The following SULF2 variants were observed in gnomAD, a reference collection of about 807,000 sequenced individuals.
The protein encoded by SULF2 is extracellular sulfatase Sulf-2.
Under a neutral mutation model 107.7 loss-of-function variants are expected in SULF2, and 52 were observed. The ratio of observed to expected loss-of-function variants is 0.48; its 90% CI spans 0.39 to 0.61. The LOEUF (loss-of-function observed/expected upper bound fraction) is 0.61, where lower values mean the gene tolerates loss of function less well. SULF2 is among the 20% of genes least tolerant of loss of function. SULF2 has a pLI of 0.00. For synonymous variants in SULF2, 460 were observed against 464.3 expected, an observed-to-expected ratio of 0.99 and a Z score of 0.12; for missense variants, 993 against 1,177.3, an observed-to-expected ratio of 0.84 and a Z score of 2.29.
rs770595940 is a variant in SULF2, at chr20:47,672,271, G to A, written c.1503C>T (p.Ser501=). The A allele has an allele frequency of 3.9e-5, 63 of 1,613,484 alleles. No individual in the cohort carries two copies. Among genetic ancestry groups the A allele is most frequent in the Non-Finnish European group, 5.2e-5 (61 of 1,179,910 alleles). ...NLVPKYYGQG[S]EACTCDSGDY... is the part of the protein sequence containing the mutation. Reference sequence around the variant, plus strand: ...CCCCGCTGTCACAGGTGCAGGCCTCGCTGCCCTGCCCGTAGTACTTGGGCA... The same window carrying A: ...CCCCGCTGTCACAGGTGCAGGCCTCACTGCCCTGCCCGTAGTACTTGGGCA... The change falls in exon 11 of 21, where the codon AGC becomes AGT. Residue 501 remains serine, a synonymous_variant. Coordinates refer to ENST00000688720, the MANE Select transcript of SULF2 (RefSeq NM_001387048.1).
chr20:47,669,428 T>C (rs571420449), intron 11 of SULF2, among the ~76,000 whole-genome samples: 22 of 152,318 alleles, frequency 1.4e-4, no homozygotes, highest in Admixed American at 1.3e-3. Flanking sequence ...GCCGCATCCA[T>C]AGCCTCTGCT....
upstream of SULF2, chr20:47,786,155 A>T (rs546906003): frequency 3.3e-5 from 5 of 152,388 alleles, no homozygotes; most frequent in East Asian, 7.7e-4. Context: ...CCTTGTGTGC[A>T]CGTGTGTGTG....
At chr20:47,769,022 A>G (rs1424180899) in intron 1 of SULF2, among the ~76,000 whole-genome samples, 3 of 144,616 alleles carry the variant, frequency 2.1e-5, no homozygotes, top group Non-Finnish European at 4.5e-5. Flanking sequence ...CTGGGATTAC[A>G]GGCACCCGCC....
intron 3 of SULF2, among the ~76,000 whole-genome samples, chr20:47,723,373 GGAA>G: frequency 6.6e-6 from 1 of 152,326 alleles, no homozygotes; most frequent in East Asian, 1.9e-4. Context: ...AACCGACACA[GGAA>G]GGGCAGGAAG....
chr20:47,726,308 T>C (rs2089441304), intron 3 of SULF2, among the ~76,000 whole-genome samples: 1 of 152,120 alleles, frequency 6.6e-6, no homozygotes, highest in African/African-American at 2.4e-5. Flanking sequence ...TAGGCTCAAG[T>C]GATCCTCCTG....
At chr20:47,759,006 G>T (rs1277303181) in intron 1 of SULF2, among the ~76,000 whole-genome samples, 7 of 152,168 alleles carry the variant, frequency 4.6e-5, no homozygotes, top group African/African-American at 1.7e-4. Flanking sequence ...GGGGTCTCCC[G>T]CCTCCCTCTT....
Position 47,658,276 on chromosome 20 carries a change from C to G in SULF2, c.*86G>C, listed in dbSNP as rs2086957286. On this transcript the variant is annotated 3_prime_UTR_variant, in exon 21 of 21. Coordinates refer to ENST00000688720, the MANE Select transcript of SULF2 (RefSeq NM_001387048.1). Reference sequence around the variant, plus strand: ...AGGCCTCCTGGCCAATACCACAGGTCTGCTGGAAATCACCCACATGGTTTT... The same window carrying G: ...AGGCCTCCTGGCCAATACCACAGGTGTGCTGGAAATCACCCACATGGTTTT... 4.8e-6 allele frequency: 7 copies of G among 1,447,972 alleles called. No individual in the cohort carries two copies. Among genetic ancestry groups the G allele is most frequent in the South Asian group, 2.3e-5 (2 of 87,656 alleles). 89.7% of individuals were successfully genotyped at this position (1,447,972 alleles called of 1,614,324 possible). A position where few individuals can be genotyped will look rare whatever the true frequency, so the allele number is the denominator to read the frequency against.
In SULF2 at chr20:47,678,916, C is replaced by T. The variant is rs1290082098; in HGVS notation, c.1065-112G>A. The T allele has an allele frequency of 4.4e-6, 4 of 900,716 alleles. No homozygotes were observed. Among genetic ancestry groups the T allele is most frequent in the Non-Finnish European group, 7.1e-6 (4 of 564,844 alleles). The allele number at this position is 900,716 out of a possible 1,614,324, so 55.8% of individuals were successfully genotyped here. On this transcript the variant is annotated intron_variant, in intron 7 of 20. Coordinates refer to ENST00000688720, the MANE Select transcript of SULF2 (RefSeq NM_001387048.1). The surrounding 1 kb of genome is among the most constrained non-coding windows in gnomAD (Gnocchi z 4.5). ...GCAGTTTGTGGGAGGCTGACATCTGCAGGTATGGAAGCTGCAGTCTGGCAC... is the reference window on the plus strand; with the variant it reads ...GCAGTTTGTGGGAGGCTGACATCTGTAGGTATGGAAGCTGCAGTCTGGCAC...
chr20:47,739,306 A>C (rs1252325842), intron 2 of SULF2, among the ~76,000 whole-genome samples: 1 of 152,084 alleles, frequency 6.6e-6, no homozygotes, highest in Non-Finnish European at 1.5e-5. Flanking sequence ...CAAGCATCAG[A>C]CCCACTGCAG....
At position 47,778,614 on chromosome 20, in the gene SULF2, T is replaced by C. The variant is rs1011747022; in HGVS notation, c.-101+6729A>G. Among the ~76,000 whole-genome samples the C allele has an allele frequency of 6.0e-5, 9 of 150,934 alleles. 1 individual carries two copies. The highest frequency in any genetic ancestry group is 2.2e-4 in the African/African-American group (9 of 40,942). ...TCCACCCAGAAGGCATCGTGCTGCC[T>C]ACAAGGCCCGAGATCCCACATGACC... On this transcript the variant is annotated intron_variant, in intron 1 of 20. Transcript: ENST00000688720.
In SULF2 at chr20:47,781,785, C is replaced by A. The variant is rs1032744264; in HGVS notation, c.-101+3558G>T. The stretch of plus-strand genomic sequence containing the variant: ...AGGCACAGAAAGGTTAAGTAGCATG[C>A]CCCAGATCCCACTGCTGGGCAGGGA... On this transcript the variant is annotated intron_variant, in intron 1 of 20. Transcript: ENST00000688720. Among the ~76,000 whole-genome samples the A allele has an allele frequency of 2.6e-5, 4 of 152,108 alleles. No individual in the cohort carries two copies. The East Asian group carries it at 7.8e-4, about 30-fold the overall frequency.
chr20:47,704,200 A>T (rs1010425986), intron 3 of SULF2, among the ~76,000 whole-genome samples: 1 of 152,160 alleles, frequency 6.6e-6, no homozygotes, highest in Non-Finnish European at 1.5e-5. Flanking sequence ...CAGGAAGGGG[A>T]TGTGCCTAAA....
Position 47,678,928 on chromosome 20 carries a change from C to T in SULF2, c.1065-124G>A, listed in dbSNP as rs2087735923. 4 of 814,744 alleles carry T rather than the reference C, an allele frequency of 4.9e-6. No homozygotes were observed. Among genetic ancestry groups the T allele is most frequent in the Non-Finnish European group, 8.1e-6 (4 of 494,556 alleles). The allele number at this position is 814,744 out of a possible 1,614,324, so 50.5% of individuals were successfully genotyped here. On this transcript the variant is annotated intron_variant, in intron 7 of 20. Coordinates refer to ENST00000688720, the MANE Select transcript of SULF2 (RefSeq NM_001387048.1). This position sits in a 1 kb window ranked among gnomAD's most constrained non-coding sequence, Gnocchi z 4.5. ...AGGCTGACATCTGCAGGTATGGAAG[C>T]TGCAGTCTGGCACCTCAACCTCAGC...
intron 5 of SULF2, chr20:47,685,610 G>T (rs1272555922): frequency 6.6e-6 from 1 of 152,224 alleles, no homozygotes; most frequent in Non-Finnish European, 1.5e-5. Flanking sequence ...TGCCTCCTGG[G>T]TTCAAGTGAT....
intron 1 of SULF2, among the ~76,000 whole-genome samples, chr20:47,760,863 C>T (rs980334492): frequency 6.6e-6 from 1 of 152,224 alleles, no homozygotes; most frequent in Non-Finnish European, 1.5e-5. Flanking sequence ...CAGAAACATA[C>T]ACCTCATGAC....
chr20:47,710,840 C>T (rs1000020643), intron 3 of SULF2, among the ~76,000 whole-genome samples: 1 of 152,164 alleles, frequency 6.6e-6, no homozygotes, highest in Non-Finnish European at 1.5e-5. Flanking sequence ...GTGGAGGCTC[C>T]ACGCGGCTGC....
intron 14 of SULF2, 144 bp downstream of exon 14, chr20:47,665,055 T>G: frequency 2.9e-6 from 2 of 685,370 alleles, no homozygotes; most frequent in Non-Finnish European, 2.6e-6. Flanking sequence ...AACAGGGAGG[T>G]AAATTACGGA....
intron 5 of SULF2, chr20:47,686,446 G>A (rs1173066072): frequency 1.3e-5 from 2 of 152,238 alleles, no homozygotes; most frequent in East Asian, 3.8e-4. Context: ...CTCACAAAAC[G>A]TGGGCTTCCT....
rs909616070 is a variant in SULF2 at position 47,680,655 on chromosome 20, T to C, written c.1065-1851A>G. On this transcript the variant is annotated intron_variant, in intron 7 of 20. Coordinates refer to ENST00000688720, the MANE Select transcript of SULF2 (RefSeq NM_001387048.1). The surrounding 1 kb of genome is among the most constrained non-coding windows in gnomAD (Gnocchi z 4.2). The stretch of plus-strand genomic sequence containing the variant: ...CAAGCATGTGTGCAGCTGCTGAAGA[T>C]GGGGCTGTGTCATGGGGGGCTCGAA... 1.3e-5 allele frequency among the ~76,000 whole-genome samples: 2 copies of C among 152,202 alleles called. No homozygotes were observed. Among genetic ancestry groups the C allele is most frequent in the African/African-American group, 2.4e-5 (1 of 41,460 alleles).
Sources: allele counts gnomAD v4.1 joint callset (sites outside exome capture counted in the v4.1 genomes callset), GRCh38; gene constraint gnomAD v4.1.1; non-coding constraint Gnocchi (gnomAD v3.1); transcripts MANE v1.5; gene names NCBI Gene and HGNC (gene_info 2026-07-23, HGNC 2026-07-21).